The following RAB27B variants were observed in gnomAD, a reference collection of about 807,000 sequenced individuals.
The protein encoded by RAB27B is RAB27B, member RAS oncogene family.
RAB27B carries 15 observed loss-of-function variants against 24.6 expected under a neutral mutation model. The ratio of observed to expected loss-of-function variants is 0.61; its 90% CI spans 0.41 to 0.94. The LOEUF is 0.94. Ranked by LOEUF, RAB27B falls within the 40% of genes least tolerant of loss-of-function variation. The probability of loss-of-function intolerance (pLI) is 0.00; values close to 1 mark genes in which losing one functional copy is unlikely to be tolerated. For synonymous variants in RAB27B, 105 were observed against 92.5 expected (o/e 1.14, Z -0.78); for missense variants, 261 against 266.8 (o/e 0.98, Z 0.15).
At chr18:54,797,874 C>T (rs569503551) in intron 2 of RAB27B, among the ~76,000 whole-genome samples, 13 of 152,282 alleles carry the variant, frequency 8.5e-5, no homozygotes, top group Admixed American at 2.0e-4. Flanking sequence ...TCAAATGATA[C>T]GCTCACCATC....
chr18:54,822,465 A>G (rs1910340705), intron 2 of RAB27B, among the ~76,000 whole-genome samples: 1 of 152,210 alleles, frequency 6.6e-6, no homozygotes, highest in Non-Finnish European at 1.5e-5. Context: ...ATTCATTTGT[A>G]CTTATATGGT....
In RAB27B at chr18:54,877,569, C is replaced by G; in HGVS notation, c.-17C>G. ...CTTGTTTTCCCTCTCCTATACAGAC[C>G]GACCAAGACCATCACTATGACCGAT... On this transcript the variant is annotated splice_region_variant and 5_prime_UTR_variant, in exon 2 of 6. Transcript: ENST00000262094. 6.7e-7 allele frequency: 1 copy of G among 1,502,574 alleles called. No homozygotes were observed. The highest frequency in any genetic ancestry group is 8.8e-7 in the Non-Finnish European group (1 of 1,134,466). 93.1% of individuals were successfully genotyped at this position (1,502,574 alleles called of 1,614,324 possible).
At chr18:54,810,892 C>T (rs1387743429) in intron 2 of RAB27B, among the ~76,000 whole-genome samples, 3 of 150,902 alleles carry the variant, frequency 2.0e-5, no homozygotes, top group South Asian at 2.1e-4. Flanking sequence ...AAGAAAACCT[C>T]TGTGAACCCT....
intron 1 of RAB27B, among the ~76,000 whole-genome samples, chr18:54,845,155 C>T (rs1369826815): frequency 6.6e-6 from 1 of 151,898 alleles, no homozygotes; most frequent in Non-Finnish European, 1.5e-5. Context: ...GCCTGTAATC[C>T]CAGCACTTTG....
At chr18:54,722,981 A>T (rs1385448635) in intron 2 of RAB27B, among the ~76,000 whole-genome samples, 1 of 152,164 alleles carries the variant, frequency 6.6e-6, no homozygotes, top group African/African-American at 2.4e-5. Flanking sequence ...ATTTTTTTTT[A>T]AATGGAAAAG....
At chr18:54,832,039 G>T (rs1049346873) in intron 1 of RAB27B, among the ~76,000 whole-genome samples, 1 of 152,182 alleles carries the variant, frequency 6.6e-6, no homozygotes, top group Admixed American at 6.5e-5. Context: ...CTCCCAAAGT[G>T]CTGGGATTAC....
intron 1 of RAB27B, among the ~76,000 whole-genome samples, chr18:54,860,911 A>G (rs1911984972): frequency 6.6e-6 from 1 of 152,252 alleles, no homozygotes; most frequent in African/African-American, 2.4e-5. Context: ...AATATCCGCT[A>G]AAACAATGAA....
In RAB27B at chr18:54,869,999, A is replaced by G. The variant is rs75235375; in HGVS notation, c.-19-7568A>G. Among the ~76,000 whole-genome samples, 777 of 152,316 alleles carry G rather than the reference A, an allele frequency of 5.1e-3. 7 individuals are homozygous for G. The highest frequency in any genetic ancestry group is 0.024 in the Admixed American group (367 of 15,300). ...GAAAACAGTCCCAGACAAAATCACC[A>G]GGACAACGTGGTTTTACATAGAATT... On this transcript the variant is annotated intron_variant, in intron 1 of 5. Transcript: ENST00000262094.
At position 54,886,914 on chromosome 18, in the gene RAB27B, T is replaced by C. The variant is rs868706590; in HGVS notation, c.344-1081T>C. Among the ~76,000 whole-genome samples, 37 of 152,046 alleles carry C rather than the reference T, an allele frequency of 2.4e-4. No homozygotes were observed. In the Middle Eastern group the frequency reaches 0.01, roughly 42 times the overall value. ...ATGATAGACATTAGAGCAGCCTCTG[T>C]AACCTCAAAAACACAGCTTGACAGG... On this transcript the variant is annotated intron_variant, in intron 4 of 5. Coordinates refer to ENST00000262094, the MANE Select transcript of RAB27B (RefSeq NM_004163.4).
At chr18:54,742,960 C>G (rs1910114113) in intron 2 of RAB27B, among the ~76,000 whole-genome samples, 1 of 152,178 alleles carries the variant, frequency 6.6e-6, no homozygotes, top group South Asian at 2.1e-4. Flanking sequence ...CTTTTGGAAG[C>G]CTGCAGAAGT....
rs929682633 is a variant in RAB27B, at chr18:54,893,030, A to G, written c.*3617A>G. 7.2e-5 allele frequency: 11 copies of G among 152,192 alleles called. No individual in the cohort carries two copies. The East Asian group carries it at 1.9e-3, about 27-fold the overall frequency. 9.4% of individuals were successfully genotyped at this position (152,192 alleles called of 1,614,324 possible). On this transcript the variant is annotated 3_prime_UTR_variant, in exon 6 of 6. Coordinates refer to ENST00000262094, the MANE Select transcript of RAB27B (RefSeq NM_004163.4). ...ACACTGGGAATCAACAAATTTGATG[A>G]AGCCTGTCTGTCTCTTCACCAGTGG...
At chr18:54,849,887 C>G (rs919251589) in intron 1 of RAB27B, among the ~76,000 whole-genome samples, 1 of 152,168 alleles carries the variant, frequency 6.6e-6, no homozygotes. Context: ...GGTTCCATCA[C>G]TTAAGAGGCA....
intron 1 of RAB27B, among the ~76,000 whole-genome samples, chr18:54,871,621 C>T (rs905973867): frequency 4.6e-5 from 7 of 151,974 alleles, no homozygotes; most frequent in Admixed American, 2.0e-4. Context: ...ATTGCTGAGG[C>T]GGGAGGATCA....
chr18:54,746,250 G>C (rs1199681296), intron 2 of RAB27B, among the ~76,000 whole-genome samples: 1 of 152,210 alleles, frequency 6.6e-6, no homozygotes, highest in Non-Finnish European at 1.5e-5. Flanking sequence ...ATATCCATAA[G>C]TTAGATCTCA....
chr18:54,806,571 A>G (rs979844665), intron 2 of RAB27B, among the ~76,000 whole-genome samples: 2 of 148,058 alleles, frequency 1.4e-5, no homozygotes, highest in Admixed American at 1.4e-4. Context: ...TATATTATTT[A>G]TATATATAAT....
At chr18:54,722,274 A>G (rs1568041922) in intron 2 of RAB27B, among the ~76,000 whole-genome samples, 6 of 152,164 alleles carry the variant, frequency 3.9e-5, no homozygotes, top group Admixed American at 2.6e-4. Context: ...GACAACAGAA[A>G]AAGAAAGAAT....
chr18:54,836,560 T>A (rs909500507), intron 1 of RAB27B, among the ~76,000 whole-genome samples: 1 of 151,984 alleles, frequency 6.6e-6, no homozygotes, highest in African/African-American at 2.4e-5. Flanking sequence ...AACAGAGAAC[T>A]AACTCAAAAT....
At chr18:54,752,571 A>G (rs962796082) in intron 2 of RAB27B, among the ~76,000 whole-genome samples, 1 of 152,236 alleles carries the variant, frequency 6.6e-6, no homozygotes, top group African/African-American at 2.4e-5. Context: ...GTGAAACAGC[A>G]GAGTCCTAAG....
At chr18:54,760,001 A>T (rs183167929) in intron 2 of RAB27B, among the ~76,000 whole-genome samples, 202 of 152,320 alleles carry the variant, frequency 1.3e-3, no homozygotes, top group Middle Eastern at 3.4e-3. Context: ...AGAGCTCGGG[A>T]TACAGAGGAC....
Sources: allele counts gnomAD v4.1 joint callset (sites outside exome capture counted in the v4.1 genomes callset), GRCh38; gene constraint gnomAD v4.1.1; transcripts MANE v1.5; gene names NCBI Gene and HGNC (gene_info 2026-07-23, HGNC 2026-07-21).